The following EEFSEC variants were observed in gnomAD, a reference collection of about 807,000 sequenced individuals.
EEFSEC encodes selenocysteine-specific elongation factor.
Under a neutral mutation model 42.1 loss-of-function variants are expected in EEFSEC, and 43 were observed. That is an observed-to-expected ratio of 1.02 (90% CI 0.80 to 1.32). The LOEUF is 1.32. Ranked by LOEUF, EEFSEC falls within the 40% of genes most tolerant of loss-of-function variation. The probability of loss-of-function intolerance (pLI) is 0.00; values close to 1 mark genes in which losing one functional copy is unlikely to be tolerated. For missense variants in EEFSEC, 745 were observed against 803.6 expected (o/e 0.93, Z 0.88); for synonymous variants, 354 against 339.1 (o/e 1.04, Z -0.48).
intron 6 of EEFSEC, among the ~76,000 whole-genome samples, chr3:128,405,451 G>A (rs1188210874): frequency 6.6e-6 from 1 of 152,208 alleles, no homozygotes; most frequent in African/African-American, 2.4e-5. Flanking sequence ...CATTGGGTAA[G>A]GGCTGTAGCT....
chr3:128,175,341 G>C (rs917975990), intron 1 of EEFSEC, among the ~76,000 whole-genome samples: 4 of 152,226 alleles, frequency 2.6e-5, no homozygotes, highest in Admixed American at 2.6e-4. Context: ...CCAGGTGCTG[G>C]CCCTGTGGCT....
chr3:128,197,512 A>G (rs2065597589), intron 1 of EEFSEC, among the ~76,000 whole-genome samples: 1 of 152,090 alleles, frequency 6.6e-6, no homozygotes, highest in South Asian at 2.1e-4. Flanking sequence ...ACCTCAAGTG[A>G]CCTGGCCATC....
chr3:128,421,436 A>AG, the EEFSEC span, among the ~76,000 whole-genome samples: 3 of 152,102 alleles, frequency 2.0e-5, no homozygotes, highest in South Asian at 4.1e-4. Flanking sequence ...GGGGCCTTCA[A>AG]GGGGGGTCCC....
chr3:128,176,142 G>A (rs188282264), intron 1 of EEFSEC, among the ~76,000 whole-genome samples: 66 of 151,692 alleles, frequency 4.4e-4, no homozygotes, highest in African/African-American at 1.3e-3. Context: ...ATCTTTATAC[G>A]ACTTCATATA....
At chr3:128,370,583 G>A (rs1174031459) in intron 6 of EEFSEC, among the ~76,000 whole-genome samples, 7 of 152,178 alleles carry the variant, frequency 4.6e-5, no homozygotes, top group Admixed American at 1.3e-4. Flanking sequence ...GCCTGTGGAG[G>A]GAGGAGAGGA....
intron 5 of EEFSEC, among the ~76,000 whole-genome samples, chr3:128,354,717 C>T (rs1440005218): frequency 6.6e-6 from 1 of 152,236 alleles, no homozygotes. Context: ...AAGATAGATC[C>T]TCTGCTGTCT....
At chr3:128,282,837 T>A (rs1225941582) in intron 4 of EEFSEC, among the ~76,000 whole-genome samples, 3 of 152,232 alleles carry the variant, frequency 2.0e-5, no homozygotes, top group African/African-American at 7.2e-5. Flanking sequence ...GGCTTCCTTC[T>A]CTGTGACTGA....
At chr3:128,381,737 G>A (rs188360733) in intron 6 of EEFSEC, among the ~76,000 whole-genome samples, 13 of 152,308 alleles carry the variant, frequency 8.5e-5, no homozygotes, top group Admixed American at 7.2e-4. Flanking sequence ...TGACACGGAA[G>A]GGGCATCTTC....
intron 6 of EEFSEC, among the ~76,000 whole-genome samples, chr3:128,361,063 GT>G (rs2067520229): frequency 6.6e-6 from 1 of 152,188 alleles, no homozygotes; most frequent in African/African-American, 2.4e-5. Flanking sequence ...GGAAGCCTGG[GT>G]TTTGGTGCCA....
chr3:128,154,770 A>C (rs1470860748), intron 1 of EEFSEC, among the ~76,000 whole-genome samples: 1 of 152,158 alleles, frequency 6.6e-6, no homozygotes, highest in Non-Finnish European at 1.5e-5. Flanking sequence ...TTTCTGAACA[A>C]ATCTTTTAAT....
chr3:128,421,733 C>T, the EEFSEC span, among the ~76,000 whole-genome samples: 3 of 152,202 alleles, frequency 2.0e-5, no homozygotes, highest in Non-Finnish European at 4.4e-5. Context: ...ATCTCACCAT[C>T]GCCACAGGAC....
At chr3:128,217,943 C>A (rs897250748) in intron 1 of EEFSEC, among the ~76,000 whole-genome samples, 1 of 152,180 alleles carries the variant, frequency 6.6e-6, no homozygotes, top group African/African-American at 2.4e-5. Context: ...ATCATCCTAG[C>A]TTTATAGAAG....
chr3:128,158,863 C>T (rs931463328), intron 1 of EEFSEC, among the ~76,000 whole-genome samples: 1 of 152,172 alleles, frequency 6.6e-6, no homozygotes, highest in Non-Finnish European at 1.5e-5. Flanking sequence ...CTTGCCTGGT[C>T]CTATATAACC....
chr3:128,195,140 G>A (rs563449495), intron 1 of EEFSEC, among the ~76,000 whole-genome samples: 2 of 152,028 alleles, frequency 1.3e-5, no homozygotes, highest in South Asian at 2.1e-4. Flanking sequence ...GTGGTAGTTT[G>A]AGATACTTCT....
rs1256839667 is a variant in EEFSEC, at chr3:128,341,220, T to C, written c.787-13T>C. The stretch of plus-strand genomic sequence containing the variant: ...TGTTGGTTTCATGTGCTCTCTTGCT[T>C]ACTCCCCATCAGGTGGTGAAGAAGG... On this transcript the variant is annotated splice_polypyrimidine_tract_variant and intron_variant, in intron 4 of 6. Coordinates refer to ENST00000254730, the MANE Select transcript of EEFSEC (RefSeq NM_021937.5). The C allele has an allele frequency of 1.3e-6, 2 of 1,589,914 alleles. No individual in the cohort carries two copies. The highest frequency in any genetic ancestry group is 2.2e-5 in the East Asian group (1 of 44,766).
intron 6 of EEFSEC, among the ~76,000 whole-genome samples, chr3:128,382,160 C>T (rs1226672545): frequency 6.6e-6 from 1 of 152,240 alleles, no homozygotes; most frequent in Non-Finnish European, 1.5e-5. Context: ...CCCATCATGA[C>T]CTCTCTGTAA....
chr3:128,383,079 G>A (rs2067796420), intron 6 of EEFSEC, among the ~76,000 whole-genome samples: 1 of 152,066 alleles, frequency 6.6e-6, no homozygotes, highest in Admixed American at 6.5e-5. Flanking sequence ...TGCCTCTGAG[G>A]CCCCACTTCC....
the EEFSEC span, among the ~76,000 whole-genome samples, chr3:128,422,292 C>T: frequency 6.6e-6 from 1 of 152,352 alleles, no homozygotes; most frequent in East Asian, 1.9e-4. Flanking sequence ...GGGGCGGCTC[C>T]TGCATACGTT....
intron 6 of EEFSEC, among the ~76,000 whole-genome samples, chr3:128,404,648 G>T (rs1315963816): frequency 6.6e-6 from 1 of 152,238 alleles, no homozygotes; most frequent in African/African-American, 2.4e-5. Context: ...GAGGGGACTG[G>T]CCAGGGTCCT....
Sources: allele counts gnomAD v4.1 joint callset (sites outside exome capture counted in the v4.1 genomes callset), GRCh38; gene constraint gnomAD v4.1.1; transcripts MANE v1.5; gene names NCBI Gene and HGNC (gene_info 2026-07-23, HGNC 2026-07-21).